The following N4BP2L2 variants were observed in gnomAD, a reference collection of about 807,000 sequenced individuals.
N4BP2L2 encodes the protein NEDD4-binding protein 2-like 2.
A neutral mutation model predicts 56.2 loss-of-function variants in N4BP2L2; 50 were observed. That is an observed-to-expected ratio of 0.89 (90% confidence interval 0.71 to 1.13). The LOEUF (loss-of-function observed/expected upper bound fraction) is 1.13, where lower values mean the gene tolerates loss of function less well. N4BP2L2 is among the 50% of genes most tolerant of loss of function. The probability of loss-of-function intolerance (pLI) is 0.00; values close to 1 mark genes in which losing one functional copy is unlikely to be tolerated. For missense variants in N4BP2L2, 689 were observed against 693.8 expected (o/e 0.99, Z 0.08); for synonymous variants, 203 against 223.6 (o/e 0.91, Z 0.82).
exon 2 of N4BP2L2, chr13:32,536,588 T>G: frequency 1.2e-6 from 2 of 1,613,934 alleles, no homozygotes; most frequent in Non-Finnish European, 8.5e-7. Context: ...ATTTATACCA[T>G]TTAGAACATG....
chr13:32,438,365 A>T (rs1243462406), intron 8 of N4BP2L2, among the ~76,000 whole-genome samples: 1 of 152,240 alleles, frequency 6.6e-6, no homozygotes, highest in Non-Finnish European at 1.5e-5. Context: ...GATTTCACTC[A>T]TATATGAAAT....
chr13:32,495,205 C>T (rs2088258045), intron 6 of N4BP2L2, among the ~76,000 whole-genome samples: 1 of 152,200 alleles, frequency 6.6e-6, no homozygotes, highest in African/African-American at 2.4e-5. Context: ...AGCCAGTATA[C>T]TCTTACGGCC....
chr13:32,505,347 G>T (rs1419941241), downstream of N4BP2L2: 1 of 152,150 alleles, frequency 6.6e-6, no homozygotes, highest in African/African-American at 2.4e-5. Flanking sequence ...TGCCAAGATG[G>T]CTGATTGGAT....
intron 6 of N4BP2L2, chr13:32,480,738 AT>A: frequency 1.7e-6 from 1 of 602,604 alleles, no homozygotes; most frequent in East Asian, 7.0e-5. Context: ...TACTATTTTC[AT>A]TTTATAGACT....
In N4BP2L2 at chr13:32,536,747, A is replaced by G. The variant is rs530523533; in HGVS notation, c.281T>C (p.Ile94Thr). 123 of 1,614,178 alleles carry G rather than the reference A, an allele frequency of 7.6e-5. No individual in the cohort carries two copies. The South Asian group carries it at 8.5e-4, about 11-fold the overall frequency. Residue 94 changes from isoleucine to threonine, a missense_variant, in exon 2 of 6, where the codon ATT (isoleucine) becomes ACT (threonine). By Grantham distance (89) the Ile-to-Thr change is moderately conservative. Transcript: ENST00000267068. The stretch of plus-strand genomic sequence containing the variant: ...TAAAACCTGTGAATCAATGGATTCA[A>G]TAACATCTGGTCTATTACCAGGCAT...
chr13:32,483,872 T>G (rs1353838161), intron 6 of N4BP2L2, among the ~76,000 whole-genome samples: 1 of 150,970 alleles, frequency 6.6e-6, no homozygotes, highest in African/African-American at 2.4e-5. Flanking sequence ...TAATTCCAGC[T>G]ACTCGGGAGG....
intron 6 of N4BP2L2, among the ~76,000 whole-genome samples, chr13:32,479,445 TTTTG>T (rs1208239503): frequency 6.6e-6 from 1 of 151,632 alleles, no homozygotes; most frequent in Non-Finnish European, 1.5e-5. Context: ...TCTTGTTTTT[TTTTG>T]TTTTTGTATT....
At chr13:32,535,080 C>G (rs923722843) in intron 2 of N4BP2L2, among the ~76,000 whole-genome samples, 1 of 152,196 alleles carries the variant, frequency 6.6e-6, no homozygotes, top group African/African-American at 2.4e-5. Context: ...ATGAACATGG[C>G]ACAGTGCTCA....
intron 6 of N4BP2L2, among the ~76,000 whole-genome samples, chr13:32,480,255 T>A (rs1163465437): frequency 2.0e-5 from 3 of 152,128 alleles, no homozygotes; most frequent in East Asian, 3.8e-4. Context: ...AACCTACTAT[T>A]CTATATCTAT....
chr13:32,538,616 AC>A lies in N4BP2L2; in HGVS notation c.-1+1del. On this transcript the variant is annotated splice_donor_variant, in intron 1 of 5. Transcript: ENST00000267068. LOFTEE classifies it low-confidence loss of function (5UTR_SPLICE). ...CTCACCTAAAACGGGGTGTCTACTCACCTTACTCTACCCCTACGCATTGACC... is the reference window on the plus strand; with the variant it reads ...CTCACCTAAAACGGGGTGTCTACTCACTTACTCTACCCCTACGCATTGACC... 1 of 985,232 alleles carries A rather than the reference AC, an allele frequency of 1.0e-6. No homozygotes were observed. The highest frequency in any genetic ancestry group is 1.2e-6 in the Non-Finnish European group (1 of 829,896). 61.0% of individuals were successfully genotyped at this position (985,232 alleles called of 1,614,324 possible).
intron 6 of N4BP2L2, among the ~76,000 whole-genome samples, chr13:32,471,633 G>A (rs1391121326): frequency 6.6e-6 from 1 of 152,268 alleles, no homozygotes; most frequent in East Asian, 1.9e-4. Context: ...GGGAAAGCCT[G>A]CCTTGTAGGC....
intron 6 of N4BP2L2, among the ~76,000 whole-genome samples, chr13:32,445,510 C>T (rs1284767158): frequency 6.6e-6 from 1 of 152,166 alleles, no homozygotes; most frequent in African/African-American, 2.4e-5. Context: ...GCTAGATTTC[C>T]TCTAGACATG....
intron 6 of N4BP2L2, among the ~76,000 whole-genome samples, chr13:32,501,225 A>T (rs1467792620): frequency 1.3e-5 from 2 of 152,066 alleles, no homozygotes; most frequent in East Asian, 3.9e-4. Context: ...TGATGCTCCC[A>T]TTCTGAATGA....
At chr13:32,480,291 C>A (rs1016406394) in intron 6 of N4BP2L2, among the ~76,000 whole-genome samples, 6 of 151,980 alleles carry the variant, frequency 3.9e-5, no homozygotes, top group Admixed American at 6.6e-5. Flanking sequence ...TGGAGGAGAG[C>A]AAAATAAATA....
At chr13:32,461,435 A>T (rs1410275285) in intron 6 of N4BP2L2, among the ~76,000 whole-genome samples, 1 of 152,180 alleles carries the variant, frequency 6.6e-6, no homozygotes, top group African/African-American at 2.4e-5. Context: ...AAAACAAAGA[A>T]AAAACAACAA....
At chr13:32,526,965 G>T in intron 3 of N4BP2L2, 1 of 151,322 alleles carries the variant, frequency 6.6e-6, no homozygotes, top group East Asian at 1.9e-4. Context: ...GTTTCTTGTA[G>T]AGCAATATCA....
At chr13:32,448,159 A>G (rs1470238090) in intron 6 of N4BP2L2, among the ~76,000 whole-genome samples, 1 of 152,170 alleles carries the variant, frequency 6.6e-6, no homozygotes, top group South Asian at 2.1e-4. Flanking sequence ...AGGAAACACA[A>G]ACCAATAACA....
exon 6 of N4BP2L2, chr13:32,517,837 A>G (rs780981901): frequency 6.8e-6 from 11 of 1,613,698 alleles, no homozygotes; most frequent in Admixed American, 6.7e-5. Context: ...CGATTATGTG[A>G]GCCAAGAGAG....
At chr13:32,489,401 A>T (rs1349538382) in intron 6 of N4BP2L2, among the ~76,000 whole-genome samples, 2 of 152,228 alleles carry the variant, frequency 1.3e-5, no homozygotes, top group African/African-American at 4.8e-5. Context: ...TTATCCTTAA[A>T]TAAACTAACT....
Sources: allele counts gnomAD v4.1 joint callset (sites outside exome capture counted in the v4.1 genomes callset), GRCh38; gene constraint gnomAD v4.1.1; transcripts MANE v1.5; gene names NCBI Gene and HGNC (gene_info 2026-07-23, HGNC 2026-07-21).